Variants in ZSCAN5A observed in about 807,000 individuals in gnomAD.
ZSCAN5A encodes the protein zinc finger and SCAN domain-containing protein 5A.
In ZSCAN5A, 12 loss-of-function variants were observed where a neutral mutation model predicts 23.7. That is an observed-to-expected ratio of 0.51 (90% CI 0.32 to 0.82). The LOEUF (loss-of-function observed/expected upper bound fraction) is 0.82, where lower values mean the gene tolerates loss of function less well. Ranked by LOEUF, ZSCAN5A falls within the 40% of genes least tolerant of loss-of-function variation. The pLI is 0.03. For missense variants in ZSCAN5A, 597 were observed against 617.9 expected (o/e 0.97, Z 0.36); for synonymous variants, 257 against 239.9 (o/e 1.07, Z -0.66).
intron 2 of ZSCAN5A, chr19:56,266,450 T>C (rs1431830656): frequency 6.7e-6 from 1 of 150,226 alleles, no homozygotes; most frequent in Non-Finnish European, 1.5e-5. Context: ...CCCAAAGAAG[T>C]GAGTAGGCTT....
rs371491455 is a variant in ZSCAN5A at position 56,266,493 on chromosome 19, C to CCTTTTTTTTTTTTTTTTTTTTTTTTTTT, written c.-127-41321_-127-41320insAAAAAAAAAAAAAAAAAAAAAAAAAAAG. 4 of 58,002 alleles carry CCTTTTTTTTTTTTTTTTTTTTTTTTTTT rather than the reference C, an allele frequency of 6.9e-5. 2 individuals carry two copies. 3.6% of individuals were successfully genotyped at this position (58,002 alleles called of 1,614,324 possible). ...GCTTTCTGCTTGGGAGATGCCCCCA[C>CCTTTTTTTTTTTTTTTTTTTTTTTTTTT]TTTTTTTTTTTTTTTTTTTTTTGAG... On this transcript the variant is annotated intron_variant, in intron 2 of 5. Coordinates refer to ENST00000683990, the MANE Select transcript of ZSCAN5A (RefSeq NM_001322064.3).
intron 2 of ZSCAN5A, among the ~76,000 whole-genome samples, chr19:56,303,181 C>T (rs1200510375): frequency 6.6e-6 from 1 of 152,060 alleles, no homozygotes; most frequent in Non-Finnish European, 1.5e-5. Context: ...AGGCAGGGTG[C>T]AAGAAACTAC....
intron 2 of ZSCAN5A, among the ~76,000 whole-genome samples, chr19:56,261,375 C>T (rs1342140821): frequency 6.6e-6 from 1 of 152,122 alleles, no homozygotes; most frequent in African/African-American, 2.4e-5. Flanking sequence ...AATCTGCCTC[C>T]ATTAATCATG....
chr19:56,289,466 C>T (rs572957790), intron 2 of ZSCAN5A, among the ~76,000 whole-genome samples: 248 of 152,232 alleles, frequency 1.6e-3, no homozygotes, highest in African/African-American at 5.6e-3. Context: ...TACTCTAGTT[C>T]GGGTAAGACG....
chr19:56,305,749 A>G (rs1270956351), intron 2 of ZSCAN5A, among the ~76,000 whole-genome samples: 6 of 152,198 alleles, frequency 3.9e-5, no homozygotes, highest in African/African-American at 1.4e-4. Flanking sequence ...AGCTGAGGAT[A>G]TGATGAAAAA....
chr19:56,257,469 C>T (rs547103456), intron 2 of ZSCAN5A, among the ~76,000 whole-genome samples: 68 of 152,314 alleles, frequency 4.5e-4, no homozygotes, highest in African/African-American at 1.6e-3. Flanking sequence ...GCGAGATGCC[C>T]ACCATTGTTA....
rs78689140 is a variant in ZSCAN5A, at chr19:56,232,010, C to T, written c.-127-6837G>A. 9.3e-4 allele frequency among the ~76,000 whole-genome samples: 10 copies of T among 10,746 alleles called. 1 individual carries two copies. The East Asian group carries it at 0.019, about 20-fold the overall frequency. 7.0% of individuals were successfully genotyped at this position (10,746 alleles called of 152,430 possible). A position where few individuals can be genotyped will look rare whatever the true frequency, so the allele number is the denominator to read the frequency against. ...TTTTTTCTTTTCTTTTTTTTTGAGA[C>T]AGTGTCTTGCTCTGTTGCCCAGGCT... On this transcript the variant is annotated intron_variant, in intron 2 of 5. Coordinates refer to ENST00000683990, the MANE Select transcript of ZSCAN5A (RefSeq NM_001322064.3).
intron 2 of ZSCAN5A, among the ~76,000 whole-genome samples, chr19:56,326,099 A>T (rs2041430664): frequency 1.4e-5 from 2 of 146,064 alleles, no homozygotes; most frequent in Admixed American, 6.8e-5. Context: ...CGCCCAGCTA[A>T]TTTTTTTTTT....
rs753025630 is a variant in ZSCAN5A at position 56,222,275 on chromosome 19, A to G, written c.791T>C (p.Val264Ala). ...AGGTGTGTCAGCATCCACATTTTCC[A>G]CAGAGGCTATTTTTGGGGGGTCCTT... Reference protein sequence around the residue: ...EGKDPPKIASVENVDADTPSA... With the variant: ...EGKDPPKIASAENVDADTPSA... Residue 264 changes from valine (V) to alanine (A), a missense_variant, in exon 6 of 6, where the codon GTG (valine) becomes GCG (alanine). Coordinates refer to ENST00000683990, the MANE Select transcript of ZSCAN5A (RefSeq NM_001322064.3). 1.5e-5 allele frequency: 25 copies of G among 1,613,438 alleles called. No homozygotes were observed. The highest frequency in any genetic ancestry group is 2.1e-5 in the Non-Finnish European group (25 of 1,179,864).
chr19:56,312,078 T>C (rs2041074016), intron 2 of ZSCAN5A: 2 of 152,208 alleles, frequency 1.3e-5, no homozygotes, highest in African/African-American at 4.8e-5. Context: ...CCAAGATACA[T>C]TTCAACATGT....
At chr19:56,270,970 G>A (rs868295084) in intron 2 of ZSCAN5A, among the ~76,000 whole-genome samples, 5 of 152,220 alleles carry the variant, frequency 3.3e-5, no homozygotes, top group African/African-American at 9.7e-5. Context: ...TCTGTCCCCA[G>A]ATCACAGTCT....
intron 2 of ZSCAN5A, chr19:56,246,495 G>A: frequency 1.5e-6 from 1 of 647,668 alleles, no homozygotes; most frequent in Non-Finnish European, 2.8e-6. Context: ...ATCCACAGGG[G>A]TTAGCCCCTC....
intron 2 of ZSCAN5A, among the ~76,000 whole-genome samples, chr19:56,355,478 T>C (rs2041695598): frequency 6.7e-6 from 1 of 148,922 alleles, no homozygotes. Context: ...CAATTTTTAC[T>C]GTTTTACACT....
chr19:56,308,616 G>GC (rs1056029606), intron 2 of ZSCAN5A, among the ~76,000 whole-genome samples: 4 of 148,976 alleles, frequency 2.7e-5, no homozygotes, highest in East Asian at 2.0e-4. Context: ...GAGCCACCAC[G>GC]CCCCCCCATA....
rs561234067 is a variant in ZSCAN5A at position 56,243,560 on chromosome 19, C to A, written c.-127-18387G>T. On this transcript the variant is annotated intron_variant, in intron 2 of 5. Coordinates refer to ENST00000683990, the MANE Select transcript of ZSCAN5A (RefSeq NM_001322064.3). ...TGCGTAATTATGATGAAGGGCTTTA[C>A]CTTGGATCTTGTCTGGACAGGAAAA... Among the ~76,000 whole-genome samples, 36 of 152,224 alleles carry A rather than the reference C, an allele frequency of 2.4e-4. 1 individual carries two copies. The South Asian group carries it at 7.1e-3, about 30-fold the overall frequency.
rs1555793341 is a variant in ZSCAN5A at position 56,231,996 on chromosome 19, C to CTTTTCTTTT, written c.-127-6824_-127-6823insAAAAGAAAA. 1.7e-3 allele frequency among the ~76,000 whole-genome samples: 214 copies of CTTTTCTTTT among 124,976 alleles called. 6 individuals carry two copies. Among genetic ancestry groups the CTTTTCTTTT allele is most frequent in the African/African-American group, 6.1e-3 (202 of 33,330 alleles). 82.0% of individuals were successfully genotyped at this position (124,976 alleles called of 152,430 possible). ...TCTTTTTTCTTTCTTTTTTTCTTTT[C>CTTTTCTTTT]TTTTTTTTTGAGACAGTGTCTTGCT... On this transcript the variant is annotated intron_variant, in intron 2 of 5. Coordinates refer to ENST00000683990, the MANE Select transcript of ZSCAN5A (RefSeq NM_001322064.3).
intron 2 of ZSCAN5A, among the ~76,000 whole-genome samples, chr19:56,270,834 A>C (rs1272275759): frequency 6.6e-6 from 1 of 152,166 alleles, no homozygotes; most frequent in African/African-American, 2.4e-5. Flanking sequence ...AATATCCCAC[A>C]AAGCGGAAGA....
chr19:56,241,295 G>T (rs2035406743), intron 2 of ZSCAN5A, among the ~76,000 whole-genome samples: 1 of 152,174 alleles, frequency 6.6e-6, no homozygotes, highest in South Asian at 2.1e-4. Context: ...ATCTCACTAT[G>T]TTGCCCAGGC....
At chr19:56,302,697 C>G in intron 2 of ZSCAN5A, 1 of 225,322 alleles carries the variant, frequency 4.4e-6, no homozygotes, top group East Asian at 6.8e-5. Flanking sequence ...CTCTCTCCTT[C>G]CTTCTCTTTC....
Sources: allele counts gnomAD v4.1 joint callset (sites outside exome capture counted in the v4.1 genomes callset), GRCh38; gene constraint gnomAD v4.1.1; transcripts MANE v1.5; gene names NCBI Gene and HGNC (gene_info 2026-07-23, HGNC 2026-07-21).